The following EYA4 variants were observed in gnomAD, a reference collection of about 807,000 sequenced individuals.
EYA4 encodes the protein EYA transcriptional coactivator and phosphatase 4, also known as protein phosphatase EYA4.
In EYA4, 31 loss-of-function variants were observed where a neutral mutation model predicts 87.9. The ratio of observed to expected loss-of-function variants is 0.35; its 90% confidence interval spans 0.27 to 0.48. The LOEUF is 0.48. Ranked by LOEUF, EYA4 falls within the 20% of genes least tolerant of loss-of-function variation. The pLI is 0.99. For synonymous variants in EYA4, 263 were observed against 270.6 expected, an observed-to-expected ratio of 0.97 and a Z score of 0.28; for missense variants, 678 against 761.4, an observed-to-expected ratio of 0.89 and a Z score of 1.29.
rs143590147 is a variant in EYA4 at position 133,308,186 on chromosome 6, A to G, written c.33+33373A>G. 9.2e-5 allele frequency among the ~76,000 whole-genome samples: 14 copies of G among 152,244 alleles called. No homozygotes were observed. In the East Asian group the frequency reaches 2.7e-3, roughly 29 times the overall value. On this transcript the variant is annotated intron_variant, in intron 2 of 19. Coordinates refer to ENST00000355286, the MANE Select transcript of EYA4 (RefSeq NM_004100.5). ...CTCAGGTGTTTCTTCATATTTCTTC[A>G]TTAGTCCATGAAAATGGACTAATAC...
chr6:133,464,714 A>G, intron 9 of EYA4, 65 bp from the exon 10 acceptor site: 3 of 1,044,172 alleles, frequency 2.9e-6, no homozygotes, highest in Non-Finnish European at 4.4e-6. Flanking sequence ...GAATTCTGCA[A>G]AGTGAAATAT....
chr6:133,491,414 C>G (rs962796283), intron 13 of EYA4, among the ~76,000 whole-genome samples: 4 of 151,914 alleles, frequency 2.6e-5, no homozygotes, highest in Non-Finnish European at 4.4e-5. Context: ...CTTTAACCAG[C>G]CTAGCTAACA....
chr6:133,362,547 C>T (rs1409824921), intron 2 of EYA4, among the ~76,000 whole-genome samples: 5 of 152,042 alleles, frequency 3.3e-5, no homozygotes. Flanking sequence ...TTGAAACAGA[C>T]TCCTTAAAAA....
At chr6:133,311,917 T>G (rs2128334526) in intron 2 of EYA4, among the ~76,000 whole-genome samples, 1 of 152,296 alleles carries the variant, frequency 6.6e-6, no homozygotes, top group African/African-American at 2.4e-5. Flanking sequence ...GTCATGGAAC[T>G]TCATCTACTG....
At chr6:133,397,947 A>T (rs1173182681) in intron 3 of EYA4, among the ~76,000 whole-genome samples, 2 of 152,162 alleles carry the variant, frequency 1.3e-5, no homozygotes, top group African/African-American at 4.8e-5. Flanking sequence ...GGAATTCAAG[A>T]TAAGATTTGG....
chr6:133,492,585 A>G (rs1797281785), intron 13 of EYA4, among the ~76,000 whole-genome samples: 1 of 152,234 alleles, frequency 6.6e-6, no homozygotes, highest in Admixed American at 6.5e-5. Flanking sequence ...TATTCAGCAT[A>G]GTACTGGAAG....
intron 2 of EYA4, among the ~76,000 whole-genome samples, chr6:133,301,773 T>G (rs1462928137): frequency 1.3e-5 from 2 of 152,224 alleles, no homozygotes; most frequent in African/African-American, 4.8e-5. Flanking sequence ...TGATTTATTC[T>G]GATGGTTTTC....
At chr6:133,460,602 T>G (rs2128653737) in intron 6 of EYA4, among the ~76,000 whole-genome samples, 1 of 152,272 alleles carries the variant, frequency 6.6e-6, no homozygotes, top group Admixed American at 6.5e-5. Context: ...ATTGTTCATC[T>G]GATGGGTAAA....
intron 2 of EYA4, among the ~76,000 whole-genome samples, chr6:133,306,973 A>G (rs1003807979): frequency 2.0e-5 from 3 of 152,246 alleles, no homozygotes; most frequent in African/African-American, 4.8e-5. Flanking sequence ...TTGCACACAC[A>G]GTAAGTGTTA....
At position 133,495,883 on chromosome 6, in the gene EYA4, G is replaced by A. The variant is rs147282393; in HGVS notation, c.1192-10223G>A. 2.2e-3 allele frequency among the ~76,000 whole-genome samples: 339 copies of A among 152,306 alleles called. 5 individuals carry two copies. Among genetic ancestry groups the A allele is most frequent in the East Asian group, 0.016 (84 of 5,184 alleles). On this transcript the variant is annotated intron_variant, in intron 13 of 19. Transcript: ENST00000355286. The stretch of plus-strand genomic sequence containing the variant: ...GGGCTGCATTTTGAGAACCACTAGA[G>A]TGGAGTATTTCCCAGACTTTTTTTC...
At chr6:133,466,071 C>T (rs1430501117) in intron 10 of EYA4, among the ~76,000 whole-genome samples, 1 of 151,960 alleles carries the variant, frequency 6.6e-6, no homozygotes, top group African/African-American at 2.4e-5. Flanking sequence ...ATTGAAGATT[C>T]AAAACGAGTA....
intron 2 of EYA4, among the ~76,000 whole-genome samples, chr6:133,322,311 G>T (rs888855699): frequency 1.3e-5 from 2 of 152,196 alleles, no homozygotes; most frequent in African/African-American, 4.8e-5. Context: ...TGTAGTCGTT[G>T]TGCTATAAAA....
chr6:133,427,587 A>T (rs777936027), intron 3 of EYA4, among the ~76,000 whole-genome samples: 2 of 152,000 alleles, frequency 1.3e-5, no homozygotes, highest in Non-Finnish European at 2.9e-5. Flanking sequence ...ATTAAAGCTC[A>T]CTCTATTGAA....
intron 2 of EYA4, among the ~76,000 whole-genome samples, chr6:133,293,670 G>A (rs550330557): frequency 2.9e-4 from 44 of 152,074 alleles, no homozygotes; most frequent in African/African-American, 1.0e-3. Flanking sequence ...GAGCCTGGGC[G>A]CATGCCTGTA....
At chr6:133,338,856 T>C (rs1782575024) in intron 2 of EYA4, among the ~76,000 whole-genome samples, 2 of 152,162 alleles carry the variant, frequency 1.3e-5, no homozygotes, top group Non-Finnish European at 2.9e-5. Flanking sequence ...CTTCTTTTTT[T>C]TTTTTGTCTT....
At chr6:133,508,798 T>C (rs1449638038) in intron 14 of EYA4, among the ~76,000 whole-genome samples, 1 of 152,186 alleles carries the variant, frequency 6.6e-6, no homozygotes, top group Non-Finnish European at 1.5e-5. Context: ...TTAGTTCAGG[T>C]ACTATGTTAT....
rs566115768 is a variant in EYA4 at position 133,329,804 on chromosome 6, A to G, written c.34-52588A>G. ...AATATATACTCACATATAAATTGGCATGGTACAAATCACATAAGAACTAAT... is the reference window on the plus strand; with the variant it reads ...AATATATACTCACATATAAATTGGCGTGGTACAAATCACATAAGAACTAAT... On this transcript the variant is annotated intron_variant, in intron 2 of 19. Transcript: ENST00000355286. Among the ~76,000 whole-genome samples the G allele has an allele frequency of 5.3e-5, 8 of 152,246 alleles. No individual in the cohort carries two copies. In the South Asian group the frequency reaches 6.2e-4, roughly 12 times the overall value.
intron 3 of EYA4, among the ~76,000 whole-genome samples, chr6:133,426,386 G>A (rs1019479851): frequency 6.6e-6 from 1 of 152,218 alleles, no homozygotes; most frequent in Non-Finnish European, 1.5e-5. Flanking sequence ...TCATCAAGTT[G>A]TAATATCCCA....
At chr6:133,515,058 T>C (rs1309840050) in intron 16 of EYA4, among the ~76,000 whole-genome samples, 1 of 152,174 alleles carries the variant, frequency 6.6e-6, no homozygotes, top group Non-Finnish European at 1.5e-5. Flanking sequence ...TGCGCTAGAT[T>C]GTAGGATCAG....
Sources: gnomAD v4.1 joint callset for allele counts (sites outside exome capture counted in the v4.1 genomes callset) on GRCh38, gnomAD v4.1.1 for gene constraint, MANE v1.5 for transcripts, NCBI Gene and HGNC (gene_info 2026-07-23, HGNC 2026-07-21) for gene names.